The following PNPLA1 variants were observed in gnomAD, a reference collection of about 807,000 sequenced individuals.
PNPLA1 encodes the protein patatin like domain 1, omega-hydroxyceramide transacylase.
A neutral mutation model predicts 51.7 loss-of-function variants in PNPLA1; 36 were observed. The observed-to-expected ratio is 0.70, with a 90% confidence interval of 0.53 to 0.92. The LOEUF is 0.92. Among genes scored for constraint, PNPLA1 ranks in the 40% least tolerant of loss-of-function variants. The pLI is 0.00. For missense variants in PNPLA1, 658 were observed against 682.5 expected, an observed-to-expected ratio of 0.96 and a Z score of 0.40; for synonymous variants, 293 against 280.1, an observed-to-expected ratio of 1.05 and a Z score of -0.46.
rs367652699 is a variant in PNPLA1, at chr6:36,285,783, G to C, written c.206-5537G>C. ...ATCCACCTAAACAAATAAAATAAAC[G>C]CATGTACAATTATCCCTTTTCTTCC... is the stretch of plus-strand genomic sequence containing the variant. On this transcript the variant is annotated intron_variant, in intron 1 of 8. Transcript: ENST00000636260. Among the ~76,000 whole-genome samples, 4 of 152,196 alleles carry C rather than the reference G, an allele frequency of 2.6e-5. No homozygotes were observed. The East Asian group carries it at 7.7e-4, about 29-fold the overall frequency.
chr6:36,281,450 G>A (rs556943366), intron 1 of PNPLA1, among the ~76,000 whole-genome samples: 3 of 152,138 alleles, frequency 2.0e-5, no homozygotes, highest in Non-Finnish European at 2.9e-5. Context: ...GCCAGGTCCC[G>A]TGCTAAGTGC....
chr6:36,266,329 C>T (rs564941030), upstream of PNPLA1, among the ~76,000 whole-genome samples: 149 of 152,298 alleles, frequency 9.8e-4, 2 homozygotes, highest in South Asian at 0.029. Context: ...CAGGGTAAAT[C>T]GTCATGAAGC....
Position 36,291,158 on chromosome 6 carries a change from T to G in PNPLA1, c.206-162T>G, listed in dbSNP as rs9394342. 0.23 allele frequency among the ~76,000 whole-genome samples: 35,182 copies of G among 152,202 alleles called. 5,080 individuals carry two copies. The highest frequency in any genetic ancestry group is 0.32 in the Non-Finnish European group (21,910 of 67,970). On this transcript the variant is annotated intron_variant, in intron 1 of 8. Transcript: ENST00000636260. ...TCCTCAATATCTTGCTTCCGTCATG[T>G]GCAAGACAGCAGGCCGATTCCTGGG... is the stretch of plus-strand genomic sequence containing the variant.
chr6:36,301,820 T>C (rs1771058004), intron 5 of PNPLA1, 41 bp from the exon 6 acceptor site: 1 of 1,583,782 alleles, frequency 6.3e-7, no homozygotes, highest in Non-Finnish European at 8.6e-7. Context: ...GCCATGCTGC[T>C]GCCAGGGCTG....
chr6:36,258,250 C>G (rs1455083301), intron 1 of PNPLA1, among the ~76,000 whole-genome samples: 1 of 152,142 alleles, frequency 6.6e-6, no homozygotes, highest in Non-Finnish European at 1.5e-5. Context: ...TCATTTATGG[C>G]TTCTTCTCCT....
At chr6:36,256,691 C>A (rs1769541366) in intron 1 of PNPLA1, among the ~76,000 whole-genome samples, 1 of 152,124 alleles carries the variant, frequency 6.6e-6, no homozygotes, top group Admixed American at 6.6e-5. Context: ...CGTGATCCAC[C>A]CGCCTCAGGC....
intron 1 of PNPLA1, among the ~76,000 whole-genome samples, chr6:36,259,561 T>C (rs572274839): frequency 6.6e-6 from 1 of 152,188 alleles, no homozygotes; most frequent in South Asian, 2.1e-4. Context: ...TACTATCAGT[T>C]TCAAGATCCA....
chr6:36,248,300 G>A lies in PNPLA1; in HGVS notation c.-81+5039G>A, dbSNP rs755886953. Among the ~76,000 whole-genome samples, 58 of 152,280 alleles carry A rather than the reference G, an allele frequency of 3.8e-4. No individual in the cohort carries two copies. In the Middle Eastern group the frequency reaches 0.014, roughly 36 times the overall value. ...TGCAAAACTTGCTTCCTGAGCGACA[G>A]GACAGTTCTCAGGGCCCTGCATGTA... On this transcript the variant is annotated intron_variant, in intron 1 of 7. Transcript: ENST00000312917.
chr6:36,269,161 G>C (rs1488817998), upstream of PNPLA1, among the ~76,000 whole-genome samples: 1 of 152,234 alleles, frequency 6.6e-6, no homozygotes, highest in Non-Finnish European at 1.5e-5. Context: ...CCCAGAAGCG[G>C]GGAAGCCACT....
chr6:36,271,853 C>A (rs1005344112), intron 1 of PNPLA1, among the ~76,000 whole-genome samples: 2 of 152,164 alleles, frequency 1.3e-5, no homozygotes, highest in African/African-American at 4.8e-5. Flanking sequence ...GGGCAGAGGG[C>A]GTGAGCTCCT....
At chr6:36,285,249 C>A (rs536374201) in intron 1 of PNPLA1, among the ~76,000 whole-genome samples, 1 of 152,200 alleles carries the variant, frequency 6.6e-6, no homozygotes. Flanking sequence ...GGGGCTGCTG[C>A]GCCCCCTGCT....
Position 36,302,067 on chromosome 6 carries a change from G to C in PNPLA1, c.982G>C (p.Val328Leu). ...TGGAAGGGGCAGCCATGGTCCGCCT[G>C]TGTCCCAACCTGTGCAGACACTTGA... is the stretch of plus-strand genomic sequence containing the variant. The part of the protein sequence containing the change: ...GDGRGSHGPP[V>L]SQPVQTLEFT... Residue 328 changes from valine (V) to leucine (L), a missense_variant, in exon 6 of 9, where the codon GTG (valine) becomes CTG (leucine). Coordinates refer to ENST00000636260, the MANE Select transcript of PNPLA1 (RefSeq NM_001374623.1). 1 of 1,614,144 alleles carries C rather than the reference G, an allele frequency of 6.2e-7. No individual in the cohort carries two copies. Among genetic ancestry groups the C allele is most frequent in the Non-Finnish European group, 8.5e-7 (1 of 1,180,008 alleles).
intron 1 of PNPLA1, among the ~76,000 whole-genome samples, chr6:36,245,516 G>A (rs772059179): frequency 3.3e-4 from 50 of 152,304 alleles, no homozygotes; most frequent in Middle Eastern, 3.4e-3. Context: ...TGGCGAGGGA[G>A]TTATGCCTGG....
At chr6:36,286,118 G>C (rs1243685355) in intron 1 of PNPLA1, among the ~76,000 whole-genome samples, 2 of 152,196 alleles carry the variant, frequency 1.3e-5, no homozygotes, top group African/African-American at 2.4e-5. Context: ...CTATGTGCTG[G>C]CACTTTAAAA....
intron 1 of PNPLA1, among the ~76,000 whole-genome samples, chr6:36,246,020 A>G (rs1245630196): frequency 6.6e-6 from 1 of 152,220 alleles, no homozygotes; most frequent in African/African-American, 2.4e-5. Flanking sequence ...GCCAACAAAC[A>G]TGAGAAAGAT....
Position 36,302,502 on chromosome 6 carries a change from C to T in PNPLA1, c.1384+33C>T, listed in dbSNP as rs763194375. 2.6e-6 allele frequency: 4 copies of T among 1,513,908 alleles called. No individual in the cohort carries two copies. The Admixed American group carries it at 6.8e-5, about 26-fold the overall frequency. The allele number at this position is 1,513,908 out of a possible 1,614,324, so 93.8% of individuals were successfully genotyped here. A position where few individuals can be genotyped will look rare whatever the true frequency, so the allele number is the denominator to read the frequency against. Reference sequence around the variant, plus strand: ...CCCTTCTGGCTTGTTATGACTTTCTCATGCCTGGAGCCCCTTGGCAAGCGA... The same window carrying T: ...CCCTTCTGGCTTGTTATGACTTTCTTATGCCTGGAGCCCCTTGGCAAGCGA... On this transcript the variant is annotated intron_variant, in intron 6 of 8. Coordinates refer to ENST00000636260, the MANE Select transcript of PNPLA1 (RefSeq NM_001374623.1).
chr6:36,290,385 C>A (rs6457896), intron 1 of PNPLA1, among the ~76,000 whole-genome samples: 143,307 of 152,268 alleles, frequency 0.94, 67,513 homozygotes, highest in East Asian at 1. Context: ...AGTGTAATAG[C>A]AGGAGCCTGG....
chr6:36,308,619 TC>T (rs1216288975), intron 8 of PNPLA1: 1 of 152,230 alleles, frequency 6.6e-6, no homozygotes, highest in Non-Finnish European at 1.5e-5. Context: ...AACAGTTTAC[TC>T]CTAGTCTAAC....
chr6:36,296,924 C>T (rs1345154480), intron 5 of PNPLA1, among the ~76,000 whole-genome samples: 2 of 152,194 alleles, frequency 1.3e-5, no homozygotes, highest in African/African-American at 2.4e-5. Context: ...CCTGGGGCCT[C>T]AGTTTCCTCA....
Sources: gnomAD v4.1 joint callset for allele counts (sites outside exome capture counted in the v4.1 genomes callset) on GRCh38, gnomAD v4.1.1 for gene constraint, MANE v1.5 for transcripts, NCBI Gene and HGNC (gene_info 2026-07-23, HGNC 2026-07-21) for gene names.